Variants in CTNNA3 observed in about 807,000 individuals in gnomAD.
The protein encoded by CTNNA3 is catenin alpha-3.
Under a neutral mutation model 95.7 loss-of-function variants are expected in CTNNA3, and 76 were observed. The observed-to-expected ratio is 0.79, with a 90% CI of 0.66 to 0.96. The LOEUF is 0.96. CTNNA3 is among the 40% of genes least tolerant of loss of function. CTNNA3 has a pLI of 0.00. For missense variants in CTNNA3, 1,191 were observed against 1,089.8 expected (o/e 1.09, Z -1.31); for synonymous variants, 431 against 374.4 (o/e 1.15, Z -1.74).
chr10:67,262,756 T>C (rs902058083), intron 5 of CTNNA3, among the ~76,000 whole-genome samples: 26 of 152,018 alleles, frequency 1.7e-4, no homozygotes, highest in African/African-American at 6.3e-4. Flanking sequence ...CCCAAATTGA[T>C]TTAAAACTTG....
chr10:67,588,533 G>A (rs1044672921), intron 3 of CTNNA3, among the ~76,000 whole-genome samples: 1 of 151,938 alleles, frequency 6.6e-6, no homozygotes, highest in South Asian at 2.1e-4. Context: ...GAATTTATGG[G>A]GGGGGGACTG....
At chr10:66,282,867 A>G (rs1241513592) in intron 12 of CTNNA3, among the ~76,000 whole-genome samples, 6 of 151,894 alleles carry the variant, frequency 4.0e-5, no homozygotes, top group African/African-American at 1.4e-4. Flanking sequence ...CATGCAGTAA[A>G]TAAATGATCG....
At chr10:66,926,633 A>G (rs1442818085) in intron 7 of CTNNA3, 7 of 1,599,772 alleles carry the variant, frequency 4.4e-6, no homozygotes, top group Non-Finnish European at 3.4e-6. Context: ...AACAAAAAAC[A>G]AAAAACCTCT....
In CTNNA3 at chr10:66,114,869, G is replaced by T. The variant is rs539506698; in HGVS notation, c.1885-11620C>A. ...ACTCCAGCCTCAGCGACAGAGTGAG[G>T]CTCCATCTCAAAAAAAAAAAGAAAA... On this transcript the variant is annotated intron_variant, in intron 13 of 17. Transcript: ENST00000433211. 2.8e-4 allele frequency among the ~76,000 whole-genome samples: 42 copies of T among 150,022 alleles called. No homozygotes were observed. The South Asian group carries it at 7.6e-3, about 27-fold the overall frequency.
chr10:67,306,800 A>C (rs1344379718), intron 5 of CTNNA3, among the ~76,000 whole-genome samples: 2 of 152,150 alleles, frequency 1.3e-5, no homozygotes, highest in African/African-American at 4.8e-5. Flanking sequence ...AAAAAAATAC[A>C]AGGATTAAGG....
chr10:67,582,656 G>C (rs2133324418), intron 3 of CTNNA3, among the ~76,000 whole-genome samples: 1 of 150,794 alleles, frequency 6.6e-6, no homozygotes, highest in East Asian at 2.0e-4. Context: ...GTTGACAGTG[G>C]GGTGTTTAAG....
At chr10:67,530,287 A>G (rs1589394174) in intron 4 of CTNNA3, among the ~76,000 whole-genome samples, 2 of 152,352 alleles carry the variant, frequency 1.3e-5, no homozygotes, top group East Asian at 3.9e-4. Flanking sequence ...AGAAGAAGAC[A>G]TGAAAATGTG....
intron 11 of CTNNA3, among the ~76,000 whole-genome samples, chr10:66,429,369 T>C (rs570669393): frequency 2.9e-4 from 44 of 152,094 alleles, no homozygotes; most frequent in African/African-American, 1.0e-3. Flanking sequence ...TTCCAACCAA[T>C]AGAAAAAGAG....
chr10:66,230,482 G>A (rs1182215778), intron 13 of CTNNA3, among the ~76,000 whole-genome samples: 2 of 152,160 alleles, frequency 1.3e-5, no homozygotes, highest in Non-Finnish European at 2.9e-5. Context: ...GTGTCTGAGA[G>A]TGCATCAGCG....
intron 7 of CTNNA3, among the ~76,000 whole-genome samples, chr10:66,924,913 C>A (rs1009705014): frequency 2.0e-5 from 3 of 152,138 alleles, no homozygotes; most frequent in African/African-American, 7.2e-5. Flanking sequence ...GAGTTGGAAT[C>A]TAGGTGCCAA....
chr10:66,548,150 C>G (rs967182334), intron 10 of CTNNA3, among the ~76,000 whole-genome samples: 3 of 152,146 alleles, frequency 2.0e-5, no homozygotes, highest in African/African-American at 7.2e-5. Flanking sequence ...CTCCGAACCT[C>G]AGGTGATCCG....
intron 17 of CTNNA3, among the ~76,000 whole-genome samples, chr10:65,922,365 A>AAATTTAT (rs922090160): frequency 6.6e-6 from 1 of 152,174 alleles, no homozygotes; most frequent in Admixed American, 6.5e-5. Flanking sequence ...TGTGGTTTGA[A>AAATTTAT]AATTTATATA....
At chr10:66,768,424 A>C (rs1240544932) in intron 8 of CTNNA3, among the ~76,000 whole-genome samples, 1 of 152,138 alleles carries the variant, frequency 6.6e-6, no homozygotes, top group African/African-American at 2.4e-5. Context: ...GTCATGATTA[A>C]AGAGTAGGGC....
At chr10:67,169,020 A>G (rs1027314490) in intron 7 of CTNNA3, among the ~76,000 whole-genome samples, 1 of 152,170 alleles carries the variant, frequency 6.6e-6, no homozygotes, top group Non-Finnish European at 1.5e-5. Flanking sequence ...AAAATCATAA[A>G]GGCAATCTGA....
chr10:66,597,161 G>T (rs901505097), intron 10 of CTNNA3, among the ~76,000 whole-genome samples: 1 of 151,838 alleles, frequency 6.6e-6, no homozygotes, highest in Non-Finnish European at 1.5e-5. Flanking sequence ...AATGAAGAAA[G>T]CCTATGGGAA....
intron 7 of CTNNA3, among the ~76,000 whole-genome samples, chr10:66,823,680 A>C (rs115979924): frequency 6.6e-6 from 1 of 152,340 alleles, no homozygotes; most frequent in African/African-American, 2.4e-5. Flanking sequence ...GTTAATGTTT[A>C]TTGAGTGAGT....
At chr10:67,095,033 A>G (rs1411438972) in intron 7 of CTNNA3, among the ~76,000 whole-genome samples, 4 of 140,194 alleles carry the variant, frequency 2.9e-5, no homozygotes, top group Non-Finnish European at 4.6e-5. Flanking sequence ...GTATATACAT[A>G]TATGTTTATA....
intron 7 of CTNNA3, among the ~76,000 whole-genome samples, chr10:66,931,891 T>G (rs188548103): frequency 2.2e-4 from 33 of 152,352 alleles, no homozygotes; most frequent in Middle Eastern, 6.8e-3. Flanking sequence ...TTTTGATATT[T>G]TTATTAAAGG....
intron 15 of CTNNA3, among the ~76,000 whole-genome samples, chr10:66,044,479 C>T (rs2079781840): frequency 6.6e-6 from 1 of 151,814 alleles, no homozygotes; most frequent in African/African-American, 2.4e-5. Flanking sequence ...ATAATCTCCT[C>T]CTCTCCGTAC....
Sources: gnomAD v4.1 joint callset for allele counts (sites outside exome capture counted in the v4.1 genomes callset) on GRCh38, gnomAD v4.1.1 for gene constraint, MANE v1.5 for transcripts, NCBI Gene and HGNC (gene_info 2026-07-23, HGNC 2026-07-21) for gene names.